Variants in CDK5RAP3 observed in about 807,000 individuals in gnomAD.
CDK5RAP3 encodes CDK5 regulatory subunit associated protein 3, also known as CDK5 regulatory subunit-associated protein 3.
In CDK5RAP3, 58 loss-of-function variants were observed where a neutral mutation model predicts 73.3. That is an observed-to-expected ratio of 0.79 (90% CI 0.64 to 0.98). The LOEUF is 0.98. CDK5RAP3 is among the 50% of genes least tolerant of loss of function. The pLI is 0.00. For missense variants in CDK5RAP3, 525 were observed against 615.8 expected (o/e 0.85, Z 1.56); for synonymous variants, 224 against 247.5 (o/e 0.91, Z 0.89).
upstream of CDK5RAP3, among the ~76,000 whole-genome samples, chr17:47,968,400 C>G (rs996257385): frequency 1.3e-5 from 2 of 152,090 alleles, no homozygotes; most frequent in Non-Finnish European, 2.9e-5. Context: ...TTGCAACCTC[C>G]GCCTCCCAAG....
rs35261895 is a variant in CDK5RAP3 at position 47,976,539 on chromosome 17, A to G, written c.799-173A>G. Reference sequence around the variant, plus strand: ...CACTCCTAGCTAATTTTTTATTAACATCTTTGTAGGGACAGGATTTTGCCA... The same window carrying G: ...CACTCCTAGCTAATTTTTTATTAACGTCTTTGTAGGGACAGGATTTTGCCA... On this transcript the variant is annotated intron_variant, in intron 8 of 13. Coordinates refer to ENST00000338399, the MANE Select transcript of CDK5RAP3 (RefSeq NM_176096.3). 4.3e-3 allele frequency: 2,193 copies of G among 509,102 alleles called. 7 individuals carry two copies. Among genetic ancestry groups the G allele is most frequent in the Non-Finnish European group, 6.6e-3 (1,838 of 279,086 alleles). The allele number at this position is 509,102 out of a possible 1,614,324, so 31.5% of individuals were successfully genotyped here.
rs2036357818 is a variant in CDK5RAP3, at chr17:47,974,763, C to T, written c.334+315C>T. ...GCCCCCACCCCCACCCCCGCACCCC[C>T]ATTCTACACAAGGCAGAAGAGGCAC... On this transcript the variant is annotated intron_variant, in intron 5 of 13. Coordinates refer to ENST00000338399, the MANE Select transcript of CDK5RAP3 (RefSeq NM_176096.3). 4 of 1,272,114 alleles carry T rather than the reference C, an allele frequency of 3.1e-6. No homozygotes were observed. In the African/African-American group the frequency reaches 4.6e-5, roughly 15 times the overall value. 78.8% of individuals were successfully genotyped at this position (1,272,114 alleles called of 1,614,324 possible).
upstream of CDK5RAP3, chr17:47,970,576 T>C (rs2036236917): frequency 1.6e-6 from 2 of 1,233,228 alleles, no homozygotes; most frequent in Non-Finnish European, 2.3e-6. Context: ...ACTCTCTTCC[T>C]TCCCCTTCCC....
chr17:47,974,097 T>A, intron 4 of CDK5RAP3, 66 bp downstream of exon 4: 4 of 1,121,662 alleles, frequency 3.6e-6, no homozygotes, highest in Non-Finnish European at 5.5e-6. Flanking sequence ...TCATAGCCTC[T>A]GTGGTCTCTC....
chr17:47,970,813 A>T (rs2036241190), upstream of CDK5RAP3: 4 of 1,423,382 alleles, frequency 2.8e-6, no homozygotes, highest in Non-Finnish European at 3.8e-6. Flanking sequence ...CGCCAGGGGA[A>T]GCGGCTGCCA....
At chr17:47,971,864 A>C (rs746689485) in intron 2 of CDK5RAP3, among the ~76,000 whole-genome samples, 4 of 152,040 alleles carry the variant, frequency 2.6e-5, no homozygotes, top group African/African-American at 4.8e-5. Context: ...GCATGGGAGC[A>C]CATGCCTGTA....
chr17:47,971,453 G>A (rs1364009068), intron 2 of CDK5RAP3, 46 bp downstream of exon 2: 23 of 1,533,664 alleles, frequency 1.5e-5, no homozygotes, highest in Non-Finnish European at 2.0e-5. Context: ...GGGGAGGCCT[G>A]TGCGTTGCCC....
chr17:47,979,226 T>C, intron 11 of CDK5RAP3: 5 of 265,026 alleles, frequency 1.9e-5, no homozygotes, highest in Non-Finnish European at 3.6e-5. Context: ...AAATAAAATA[T>C]GCAGGATGCT....
At chr17:47,975,459 G>T in intron 6 of CDK5RAP3, 55 bp from the exon 7 acceptor site, 1 of 1,609,176 alleles carries the variant, frequency 6.2e-7, no homozygotes, top group South Asian at 1.1e-5. Context: ...ACTTTTCTTC[G>T]GTCTTTGGAT....
upstream of CDK5RAP3, chr17:47,970,986 G>T (rs1303684918): frequency 6.7e-7 from 1 of 1,482,164 alleles, no homozygotes; most frequent in South Asian, 1.3e-5. Context: ...GGGGCTTGAG[G>T]CCTGAGTGGA....
intron 6 of CDK5RAP3, 26 bp from the exon 7 acceptor site, chr17:47,975,488 G>A: frequency 1.2e-6 from 2 of 1,609,868 alleles, no homozygotes; most frequent in South Asian, 1.1e-5. Flanking sequence ...CAATCTGTTG[G>A]ACTCCACCTC....
chr17:47,968,200 C>T (rs963194265), upstream of CDK5RAP3, among the ~76,000 whole-genome samples: 1 of 152,134 alleles, frequency 6.6e-6, no homozygotes, highest in Non-Finnish European at 1.5e-5. Context: ...GTCAGGCTGA[C>T]TCAGATGGGA....
chr17:47,978,871 T>C lies in CDK5RAP3; in HGVS notation c.1031T>C (p.Leu344Pro). 1.9e-6 allele frequency: 3 copies of C among 1,614,030 alleles called. No individual in the cohort carries two copies. The highest frequency in any genetic ancestry group is 1.1e-5 in the South Asian group (1 of 91,074). ...VARGPDALTL[L>P]EYTETRNQFL... is the part of the protein sequence containing the mutation. ...AGGGGCCCAGATGCCCTGACACTGC[T>C]TGAATACACTGAGACCCGGAATCAG... is the stretch of plus-strand genomic sequence containing the variant. Residue 344 changes from leucine to proline, a missense_variant, in exon 11 of 14, where the codon CTT (leucine) becomes CCT (proline). Around this residue, in one of 2 missense-constraint regions of CDK5RAP3, gnomAD observed 409 missense variants for 429.8 expected, o/e 0.95. Coordinates refer to ENST00000338399, the MANE Select transcript of CDK5RAP3 (RefSeq NM_176096.3).
chr17:47,977,586 G>A (rs1183697450), intron 9 of CDK5RAP3, among the ~76,000 whole-genome samples: 1 of 152,196 alleles, frequency 6.6e-6, no homozygotes, highest in Non-Finnish European at 1.5e-5. Context: ...GCCCATGTGA[G>A]AGTTAAATTT....
In CDK5RAP3 at chr17:47,976,774, C is replaced by T. The variant is rs116470814; in HGVS notation, c.861C>T (p.Ala287=). 20 of 1,611,992 alleles carry T rather than the reference C, an allele frequency of 1.2e-5. No individual in the cohort carries two copies. The highest frequency in any genetic ancestry group is 2.2e-5 in the South Asian group (2 of 90,876). The change falls in exon 9 of 14, where the codon GCC becomes GCT. Residue 287 remains alanine, a synonymous_variant. Coordinates refer to ENST00000338399, the MANE Select transcript of CDK5RAP3 (RefSeq NM_176096.3). ...VSEGTDSGIS[A]EAAGIDWGIF... ...AGGGGACTGACTCTGGCATCTCTGC[C>T]GAGGCTGCTGGAATCGACTGGGGCA...
At chr17:47,973,826 A>G in intron 3 of CDK5RAP3, 105 bp from the exon 4 acceptor site, 2 of 1,175,254 alleles carry the variant, frequency 1.7e-6, no homozygotes, top group Middle Eastern at 2.3e-4. Flanking sequence ...AAAGCTACAC[A>G]CTAAAGTTAC....
At chr17:47,971,807 G>A (rs1490968661) in intron 2 of CDK5RAP3, among the ~76,000 whole-genome samples, 1 of 151,890 alleles carries the variant, frequency 6.6e-6, no homozygotes, top group African/African-American at 2.4e-5. Context: ...TTGTCTCCAT[G>A]TCTCCATGAC....
At chr17:47,974,287 T>G in intron 4 of CDK5RAP3, 113 bp from the exon 5 acceptor site, 1 of 956,356 alleles carries the variant, frequency 1.0e-6, no homozygotes, top group Non-Finnish European at 1.7e-6. Context: ...GACAAGGAGT[T>G]TGTGTTTGAT....
At chr17:47,971,015 T>C, upstream of CDK5RAP3, 1 of 1,513,590 alleles carries the variant, frequency 6.6e-7, no homozygotes, top group Non-Finnish European at 8.9e-7. Context: ...CCTGATTGGC[T>C]GTACGGAAGG....
Sources: allele counts gnomAD v4.1 joint callset (sites outside exome capture counted in the v4.1 genomes callset), GRCh38; gene constraint gnomAD v4.1.1; regional missense constraint gnomAD v4.1.1; transcripts MANE v1.5; gene names NCBI Gene and HGNC (gene_info 2026-07-23, HGNC 2026-07-21).